Variants in CC2D2A observed in about 807,000 individuals in gnomAD.
CC2D2A encodes the protein coiled-coil and C2 domain containing 2A.
A neutral mutation model predicts 212.9 loss-of-function variants in CC2D2A; 155 were observed. The observed-to-expected ratio is 0.73, with a 90% confidence interval of 0.64 to 0.83. The LOEUF is 0.83. CC2D2A is among the 40% of genes least tolerant of loss of function. The pLI, the probability that CC2D2A is intolerant of heterozygous loss-of-function variation, is 0.00. For synonymous variants in CC2D2A, 667 were observed against 686.5 expected, an observed-to-expected ratio of 0.97 and a Z score of 0.44; for missense variants, 1,856 against 1,956.2, an observed-to-expected ratio of 0.95 and a Z score of 0.97.
chr4:15,488,491 T>C (rs182504902), intron 4 of CC2D2A, among the ~76,000 whole-genome samples: 60 of 152,356 alleles, frequency 3.9e-4, no homozygotes, highest in African/African-American at 1.4e-3. Context: ...TTGCTGCTTT[T>C]AGGATCCTCT....
At chr4:15,500,103 GTGTGTATATATATA>G (rs1461291116) in intron 4 of CC2D2A, among the ~76,000 whole-genome samples, 6 of 73,158 alleles carry the variant, frequency 8.2e-5, no homozygotes, top group African/African-American at 1.5e-4. Flanking sequence ...GTGTGTGTGT[GTGTGTATATATATA>G]TATATATATA....
rs761369067 is a variant in CC2D2A, at chr4:15,528,638, G to A, written c.1378G>A (p.Ala460Thr). 1.2e-6 allele frequency: 2 copies of A among 1,613,196 alleles called. No homozygotes were observed. Among genetic ancestry groups the A allele is most frequent in the Non-Finnish European group, 1.7e-6 (2 of 1,179,310 alleles). Reference sequence around the variant, plus strand: ...TTTTAAGCTCCAAGCTTTAAGAAATGCTGTTCAGACTGGCCTTGATCCAGA... The same window carrying A: ...TTTTAAGCTCCAAGCTTTAAGAAATACTGTTCAGACTGGCCTTGATCCAGA... ...LTDKLQALRN[A>T]VQTGLDPEKP... The change falls in exon 13 of 37, where the codon GCT becomes ACT. Residue 460 changes from alanine to threonine, a missense_variant. Ala to Thr is a moderately conservative substitution (Grantham distance 58, BLOSUM62 0). Coordinates refer to ENST00000424120, the MANE Select transcript of CC2D2A (RefSeq NM_001378615.1).
intron 6 of CC2D2A, among the ~76,000 whole-genome samples, chr4:15,504,931 C>A (rs768025918): frequency 6.6e-6 from 1 of 152,210 alleles, no homozygotes; most frequent in Non-Finnish European, 1.5e-5. Flanking sequence ...TGAACTTCAG[C>A]TGACCAGGGC....
chr4:15,599,653 G>C lies in CC2D2A; in HGVS notation c.4621G>C (p.Asp1541His). The change falls in exon 36 of 37, where the codon GAT (aspartate) becomes CAT (histidine). Residue 1541 changes from aspartate to histidine, a missense_variant. Physicochemically the swap from Asp to His is moderately conservative, Grantham distance 81. This residue lies in a region of CC2D2A where 285 missense variants were observed against 278.4 expected (regional missense o/e 1.02). Transcript: ENST00000424120. Reference protein sequence around the residue: ...LPLLEKSQGEDVEDDHRAELL... With the variant: ...LPLLEKSQGEHVEDDHRAELL... ...TCTGTTAGAAAAAAGTCAAGGAGAA[G>C]ATGTAGAAGATGACCACAGAGCAGA... 1 of 1,613,608 alleles carries C rather than the reference G, an allele frequency of 6.2e-7. No homozygotes were observed.
chr4:15,521,799 A>G (rs989417560), intron 11 of CC2D2A, among the ~76,000 whole-genome samples: 4 of 152,220 alleles, frequency 2.6e-5, no homozygotes, highest in East Asian at 3.8e-4. Flanking sequence ...TTCTATGCCT[A>G]TCTCTGACTC....
chr4:15,478,423 G>A (rs952773203), intron 2 of CC2D2A, among the ~76,000 whole-genome samples: 2 of 152,194 alleles, frequency 1.3e-5, no homozygotes, highest in Admixed American at 6.5e-5. Flanking sequence ...TGTGTCCCAA[G>A]AGCATGGAAC....
At chr4:15,506,917 C>T (rs1210329127) in intron 6 of CC2D2A, among the ~76,000 whole-genome samples, 1 of 143,758 alleles carries the variant, frequency 7.0e-6, no homozygotes, top group Non-Finnish European at 1.5e-5. Flanking sequence ...ACTAAAAATA[C>T]AAAAAAAAAA....
intron 6 of CC2D2A, among the ~76,000 whole-genome samples, chr4:15,509,837 C>T (rs1716459633): frequency 6.6e-6 from 1 of 152,148 alleles, no homozygotes; most frequent in Admixed American, 6.5e-5. Context: ...TGTTACTTTT[C>T]TAAATACCAT....
intron 4 of CC2D2A, among the ~76,000 whole-genome samples, chr4:15,501,430 GTCC>G (rs1715945764): frequency 6.6e-6 from 1 of 151,948 alleles, no homozygotes; most frequent in African/African-American, 2.4e-5. Flanking sequence ...TTGCATTCAT[GTCC>G]TCCTCCCTGC....
At chr4:15,567,654 C>G (rs774105246) in intron 25 of CC2D2A, 23 bp from the exon 26 acceptor site, 1 of 1,539,992 alleles carries the variant, frequency 6.5e-7, no homozygotes, top group South Asian at 1.2e-5. Flanking sequence ...ATTGGGAACT[C>G]AGAATTTGCT....
chr4:15,485,817 T>C (rs1714969403), intron 4 of CC2D2A, among the ~76,000 whole-genome samples: 1 of 152,194 alleles, frequency 6.6e-6, no homozygotes, highest in Non-Finnish European at 1.5e-5. Flanking sequence ...AATGAGATTA[T>C]TTATGTTTTA....
chr4:15,582,960 A>C, intron 30 of CC2D2A, among the ~76,000 whole-genome samples: 1 of 152,190 alleles, frequency 6.6e-6, no homozygotes, highest in South Asian at 2.1e-4. Context: ...GCCAAACAAA[A>C]TTCAATAATA....
At chr4:15,514,629 G>A (rs899457538) in intron 8 of CC2D2A, 78 bp from the exon 9 acceptor site, 3 of 1,096,184 alleles carry the variant, frequency 2.7e-6, no homozygotes, top group Non-Finnish European at 3.8e-6. Context: ...TAAGTTTCAT[G>A]AGTTTGGTAT....
At chr4:15,536,159 A>C (rs960880086) in intron 14 of CC2D2A, among the ~76,000 whole-genome samples, 1 of 152,138 alleles carries the variant, frequency 6.6e-6, no homozygotes, top group Non-Finnish European at 1.5e-5. Flanking sequence ...TCCTCCATCC[A>C]AAGTCAAAAA....
intron 1 of CC2D2A, among the ~76,000 whole-genome samples, chr4:15,472,951 G>A (rs1213137987): frequency 1.3e-5 from 2 of 152,190 alleles, no homozygotes; most frequent in African/African-American, 2.4e-5. Flanking sequence ...TCCCAGTTAA[G>A]ATTTGGGTTC....
intron 4 of CC2D2A, chr4:15,481,345 C>T (rs915371635): frequency 5.4e-6 from 2 of 372,274 alleles, no homozygotes; most frequent in Non-Finnish European, 1.1e-5. Context: ...CCCATCTCTA[C>T]TAAAAATACA....
At chr4:15,570,592 T>A (rs944928967) in intron 28 of CC2D2A, 96 bp downstream of exon 28, 1 of 777,140 alleles carries the variant, frequency 1.3e-6, no homozygotes, top group Non-Finnish European at 2.1e-6. Flanking sequence ...CGGTGGCTCA[T>A]GCCTGTAATC....
At position 15,514,812 on chromosome 4, in the gene CC2D2A, A is replaced by G. The variant is rs368471984; in HGVS notation, c.823A>G (p.Ile275Val). Residue 275 changes from isoleucine to valine, a missense_variant, in exon 9 of 37, where the codon ATC becomes GTC. Coordinates refer to ENST00000424120, the MANE Select transcript of CC2D2A (RefSeq NM_001378615.1). ...AGTCAGACCTGCAGATTATGAAAGC[A>G]TCCATGATCGGCTGCAGATGGAAAG... Reference protein sequence around the residue: ...VAVRPADYESIHDRLQMEREM... With the variant: ...VAVRPADYESVHDRLQMEREM... The G allele has an allele frequency of 4.3e-6, 7 of 1,613,892 alleles. No homozygotes were observed. The highest frequency in any genetic ancestry group is 2.2e-5 in the South Asian group (2 of 91,094).
chr4:15,475,284 G>C (rs769749391), intron 1 of CC2D2A, among the ~76,000 whole-genome samples: 9 of 152,162 alleles, frequency 5.9e-5, no homozygotes, highest in Admixed American at 1.3e-4. Context: ...AAAAGAAAAA[G>C]TGTAGGGGGC....
Sources: gnomAD v4.1 joint callset for allele counts (sites outside exome capture counted in the v4.1 genomes callset) on GRCh38, gnomAD v4.1.1 for gene constraint, gnomAD v4.1.1 regional missense constraint, MANE v1.5 for transcripts, NCBI Gene and HGNC (gene_info 2026-07-23, HGNC 2026-07-21) for gene names.